The following FGF13 variants were observed in gnomAD, a reference collection of about 807,000 sequenced individuals.
The protein encoded by FGF13 is fibroblast growth factor homologous factor 2.
A neutral mutation model predicts 19.5 loss-of-function variants in FGF13; 2 were observed. The ratio of observed to expected loss-of-function variants is 0.10; its 90% CI spans 0.04 to 0.32. The LOEUF (loss-of-function observed/expected upper bound fraction) is 0.32, where lower values mean the gene tolerates loss of function less well. FGF13 is among the 10% of genes least tolerant of loss of function. The pLI is 1.00. For missense variants in FGF13, 113 were observed against 192.7 expected (o/e 0.59, Z 2.45); for synonymous variants, 72 against 76.9 (o/e 0.94, Z 0.33).
intron 1 of FGF13, among the ~76,000 whole-genome samples, chrX:139,014,409 G>A (rs1361850632): frequency 9.0e-6 from 1 of 111,294 alleles, no homozygotes; most frequent in East Asian, 2.8e-4. Flanking sequence ...GAAAATCAGA[G>A]ATGAAAAAAG....
intron 1 of FGF13, among the ~76,000 whole-genome samples, chrX:139,093,980 C>T (rs964401468): frequency 8.9e-6 from 1 of 112,058 alleles, no homozygotes; most frequent in Non-Finnish European, 1.9e-5. Context: ...AATGAAATGA[C>T]TTGACCAAAG....
intron 1 of FGF13, among the ~76,000 whole-genome samples, chrX:139,162,789 A>G (rs1459456261): frequency 8.9e-6 from 1 of 112,706 alleles, no homozygotes; most frequent in Non-Finnish European, 1.9e-5. Context: ...ACATATGAAA[A>G]AAAGTTCATC....
At chrX:139,057,208 G>A (rs925987060) in intron 1 of FGF13, among the ~76,000 whole-genome samples, 5 of 110,912 alleles carry the variant, frequency 4.5e-5, no homozygotes, top group Admixed American at 1.9e-4. Context: ...AATACTTGTC[G>A]CTCCAATTAA....
At chrX:138,903,201 C>T (rs2091541032) in intron 1 of FGF13, among the ~76,000 whole-genome samples, 1 of 111,662 alleles carries the variant, frequency 9.0e-6, no homozygotes. Context: ...GACAAGAAAA[C>T]TGACAAGTCT....
At position 139,008,787 on chromosome X, in the gene FGF13, A is replaced by G. The variant is rs149581124; in HGVS notation, c.-112-144137T>C. On this transcript the variant is annotated intron_variant, in intron 1 of 2. Coordinates refer to the FGF13 transcript ENST00000421460. Reference sequence around the variant, plus strand: ...AACAATTCTGGTAATATGACAAAACAAGGTTCTTTAACACCCCCAAAACAT... The same window carrying G: ...AACAATTCTGGTAATATGACAAAACGAGGTTCTTTAACACCCCCAAAACAT... Among the ~76,000 whole-genome samples, 141 of 111,778 alleles carry G rather than the reference A, an allele frequency of 1.3e-3. 3 individuals carry two copies. In the East Asian group the frequency reaches 0.026, roughly 21 times the overall value.
At chrX:138,786,482 G>T (rs1322242240) in intron 3 of FGF13, among the ~76,000 whole-genome samples, 1 of 111,775 alleles carries the variant, frequency 8.9e-6, no homozygotes, top group East Asian at 2.8e-4. Flanking sequence ...AGCCTTCCTT[G>T]GGGGACTACT....
intron 1 of FGF13, among the ~76,000 whole-genome samples, chrX:138,980,821 G>A (rs1230960909): frequency 1.8e-5 from 2 of 110,376 alleles, no homozygotes; most frequent in African/African-American, 6.6e-5. Flanking sequence ...ACTTCTTAAT[G>A]TATGTATTCA....
chrX:138,715,702 CTG>C (rs963656906), upstream of FGF13, among the ~76,000 whole-genome samples: 5 of 112,344 alleles, frequency 4.5e-5, no homozygotes, highest in African/African-American at 1.3e-4. Flanking sequence ...TCCCATCTCT[CTG>C]TTCTCTTCCC....
chrX:138,946,874 G>T (rs1245854256), intron 1 of FGF13, among the ~76,000 whole-genome samples: 2 of 112,052 alleles, frequency 1.8e-5, no homozygotes, highest in East Asian at 5.6e-4. Context: ...TGGCTCTTCT[G>T]TCAGTCTCCA....
intron 3 of FGF13, among the ~76,000 whole-genome samples, chrX:138,775,147 T>C (rs1165941347): frequency 2.7e-5 from 3 of 111,781 alleles, no homozygotes; most frequent in Non-Finnish European, 5.6e-5. Flanking sequence ...TTTATAGAGA[T>C]GGAGTTTTGC....
intron 1 of FGF13, among the ~76,000 whole-genome samples, chrX:138,720,529 C>T (rs1451714930): frequency 9.0e-6 from 1 of 111,712 alleles, no homozygotes; most frequent in Non-Finnish European, 1.9e-5. Context: ...GTGACTGTCC[C>T]TGGCCTCAAG....
chrX:138,960,156 G>A (rs890490880), intron 1 of FGF13, among the ~76,000 whole-genome samples: 1 of 111,789 alleles, frequency 8.9e-6, no homozygotes, highest in Non-Finnish European at 1.9e-5. Flanking sequence ...GCAGTGGCTG[G>A]TACTGGTTGT....
chrX:138,796,315 G>A (rs1162707698), intron 3 of FGF13, among the ~76,000 whole-genome samples: 1 of 111,653 alleles, frequency 9.0e-6, no homozygotes, highest in Non-Finnish European at 1.9e-5. Context: ...GTGAGAACAT[G>A]AGGTATTTGG....
At chrX:138,902,805 A>G (rs1045524326) in intron 1 of FGF13, among the ~76,000 whole-genome samples, 3 of 111,823 alleles carry the variant, frequency 2.7e-5, no homozygotes, top group African/African-American at 9.7e-5. Context: ...TATATGCAGC[A>G]TCACCTAAAT....
chrX:139,130,711 G>C (rs1453462807), intron 1 of FGF13, among the ~76,000 whole-genome samples: 1 of 111,346 alleles, frequency 9.0e-6, no homozygotes, highest in African/African-American at 3.3e-5. Flanking sequence ...TCCTATTTTT[G>C]TCATCTGTAA....
rs781131047 is a variant in FGF13, at chrX:138,821,549, G to A, written c.217+35963C>T. On this transcript the variant is annotated intron_variant, in intron 3 of 6. Transcript: ENST00000436198. ...ATCTATACAAGATTTTGAAGACTTC[G>A]TATTTAGAAAGTACACTATTTCACT... Among the ~76,000 whole-genome samples, 11 of 111,630 alleles carry A rather than the reference G, an allele frequency of 9.9e-5. No individual in the cohort carries two copies. The South Asian group carries it at 1.1e-3, about 11-fold the overall frequency.
chrX:138,647,170 T>C (rs2089315921), intron 3 of FGF13, among the ~76,000 whole-genome samples: 2 of 102,853 alleles, frequency 1.9e-5, no homozygotes, highest in African/African-American at 7.2e-5. Context: ...GGAGTAAACA[T>C]ATTTCTTCCT....
At chrX:138,879,017 C>A (rs997967313) in intron 1 of FGF13, among the ~76,000 whole-genome samples, 54 of 110,871 alleles carry the variant, frequency 4.9e-4, no homozygotes, top group Non-Finnish European at 8.1e-4. Context: ...TTTTCTTGTA[C>A]ATTTGTTTGA....
intron 1 of FGF13, among the ~76,000 whole-genome samples, chrX:138,735,759 TG>T (rs754609186): frequency 1.8e-5 from 2 of 112,157 alleles, no homozygotes; most frequent in Non-Finnish European, 3.8e-5. Context: ...TAGCAAGCTT[TG>T]GTCAAATAAT....
Sources: allele counts gnomAD v4.1 joint callset (sites outside exome capture counted in the v4.1 genomes callset), GRCh38; gene constraint gnomAD v4.1.1; transcripts MANE v1.5; gene names NCBI Gene and HGNC (gene_info 2026-07-23, HGNC 2026-07-21).